The following ANK3 variants were observed in gnomAD, a reference collection of about 807,000 sequenced individuals.
The protein encoded by ANK3 is ankyrin 3, also known as ankyrin-3.
ANK3 carries 57 observed loss-of-function variants against 370.9 expected under a neutral mutation model. That is an observed-to-expected ratio of 0.15 (90% confidence interval 0.12 to 0.19). The LOEUF is 0.19. Ranked by LOEUF, ANK3 falls within the 10% of genes least tolerant of loss-of-function variation. The pLI, the probability that ANK3 is intolerant of heterozygous loss-of-function variation, is 1.00. For missense variants in ANK3, 4,439 were observed against 5,302.1 expected (o/e 0.84, Z 5.06); for synonymous variants, 1,929 against 1,946.3 (o/e 0.99, Z 0.23).
At chr10:60,240,143 CACATATATAT>C (rs2097417437) in intron 7 of ANK3, among the ~76,000 whole-genome samples, 5 of 126,038 alleles carry the variant, frequency 4.0e-5, no homozygotes, top group Non-Finnish European at 8.1e-5. Context: ...CATATATATA[CACATATATAT>C]ACATATATAC....
chr10:60,674,268 T>C (rs907704663), intron 1 of ANK3, among the ~76,000 whole-genome samples: 1 of 152,062 alleles, frequency 6.6e-6, no homozygotes, highest in Non-Finnish European at 1.5e-5. Flanking sequence ...AAGGAATACC[T>C]GAGACTGGAT....
At position 60,086,899 on chromosome 10, in the gene ANK3, A is replaced by G; in HGVS notation, c.3541-15T>C. 1 of 1,567,562 alleles carries G rather than the reference A, an allele frequency of 6.4e-7. No homozygotes were observed. The highest frequency in any genetic ancestry group is 8.6e-7 in the Non-Finnish European group (1 of 1,158,160). On this transcript the variant is annotated splice_polypyrimidine_tract_variant and intron_variant, in intron 29 of 43. Transcript: ENST00000280772. ...ACAGGCTGGGCCTAGAGACAGAGAA[A>G]GGACTTTAAATGAAAGTGACTTTTT...
intron 1 of ANK3, among the ~76,000 whole-genome samples, chr10:60,697,212 C>G (rs1268912840): frequency 6.7e-6 from 1 of 149,610 alleles, no homozygotes; most frequent in Non-Finnish European, 1.5e-5. Context: ...TGAAGGACCT[C>G]TTCAAGGAGA....
intron 1 of ANK3, among the ~76,000 whole-genome samples, chr10:60,674,114 T>G (rs1000401070): frequency 2.0e-5 from 3 of 151,222 alleles, no homozygotes; most frequent in Non-Finnish European, 4.4e-5. Flanking sequence ...GTTCTTGTAT[T>G]AAAAAAAAAG....
At chr10:60,242,650 T>C (rs1052353425) in intron 7 of ANK3, among the ~76,000 whole-genome samples, 1 of 152,216 alleles carries the variant, frequency 6.6e-6, no homozygotes, top group Admixed American at 6.5e-5. Context: ...TTATCCTTAA[T>C]GAACTTATCT....
At chr10:60,543,417 G>A (rs79306853) in intron 2 of ANK3, among the ~76,000 whole-genome samples, 8,298 of 151,980 alleles carry the variant, frequency 0.055, 351 homozygotes, top group Non-Finnish European at 0.079. Flanking sequence ...CTATTAATAG[G>A]CAAATGGCTA....
intron 2 of ANK3, among the ~76,000 whole-genome samples, chr10:60,495,804 C>T (rs1240137395): frequency 2.6e-5 from 4 of 151,974 alleles, no homozygotes; most frequent in Admixed American, 2.6e-4. Context: ...AGATGTCAGC[C>T]CTCAAGCACA....
chr10:60,571,558 G>A (rs993934898), intron 2 of ANK3, among the ~76,000 whole-genome samples: 13 of 152,084 alleles, frequency 8.5e-5, no homozygotes, highest in Admixed American at 7.2e-4. Flanking sequence ...TGAAGATTTT[G>A]ACTATAGATT....
rs74155640 is a variant in ANK3, at chr10:60,639,946, T to G, written c.58-24722A>C. ...GCTGGATAAAAAAATAAGACTCACC[T>G]ATATGCCTTCTATGAGAAATCTGCT... On this transcript the variant is annotated intron_variant, in intron 1 of 43. Transcript: ENST00000373827. Among the ~76,000 whole-genome samples, 1,200 of 152,148 alleles carry G rather than the reference T, an allele frequency of 7.9e-3. 13 individuals carry two copies. Among genetic ancestry groups the G allele is most frequent in the African/African-American group, 0.027 (1,141 of 41,540 alleles).
chr10:60,572,689 G>A, intron 2 of ANK3: 1 of 1,427,352 alleles, frequency 7.0e-7, no homozygotes, highest in Non-Finnish European at 9.1e-7. Flanking sequence ...TGCTGTCAGA[G>A]AGACGCGGGC....
At chr10:60,324,141 T>C (rs1297802270) in intron 1 of ANK3, among the ~76,000 whole-genome samples, 1 of 151,866 alleles carries the variant, frequency 6.6e-6, no homozygotes, top group Admixed American at 6.6e-5. Context: ...CAGAGAGAAA[T>C]ATGAAAGCAG....
intron 2 of ANK3, among the ~76,000 whole-genome samples, chr10:60,420,226 T>TA (rs2063749909): frequency 6.6e-6 from 1 of 152,146 alleles, no homozygotes; most frequent in Admixed American, 6.6e-5. Context: ...AGGCATATTT[T>TA]ATCACCCAAT....
chr10:60,362,061 T>C (rs962584209), intron 1 of ANK3, among the ~76,000 whole-genome samples: 9 of 152,190 alleles, frequency 5.9e-5, no homozygotes, highest in Non-Finnish European at 7.4e-5. Context: ...GCAGAGAAGG[T>C]TACTTCTCAC....
intron 2 of ANK3, among the ~76,000 whole-genome samples, chr10:60,510,844 A>G (rs1242715151): frequency 1.3e-5 from 2 of 151,970 alleles, no homozygotes; most frequent in East Asian, 3.9e-4. Flanking sequence ...AATAAAATAA[A>G]ATAAAATAAG....
At chr10:60,185,537 G>A (rs914399365) in intron 17 of ANK3, among the ~76,000 whole-genome samples, 3 of 152,130 alleles carry the variant, frequency 2.0e-5, no homozygotes, top group African/African-American at 4.8e-5. Flanking sequence ...ACAGGCACAC[G>A]TGTTGAAAGT....
At chr10:60,164,190 A>AAT (rs747038536) in intron 23 of ANK3, among the ~76,000 whole-genome samples, 3 of 152,220 alleles carry the variant, frequency 2.0e-5, no homozygotes, top group Admixed American at 6.5e-5. Flanking sequence ...ATAAATACAT[A>AAT]ATAGGGCAAA....
intron 23 of ANK3, chr10:60,141,088 C>T: frequency 1.1e-6 from 1 of 935,284 alleles, no homozygotes; most frequent in Non-Finnish European, 1.3e-6. Context: ...AGAGGGAGGG[C>T]CTGCCCTTGA....
In ANK3 at chr10:60,073,401, C is replaced by T. The variant is rs572504855; in HGVS notation, c.7480G>A (p.Glu2494Lys). ...VTDHAGPPSSELQGSDKRSRE... is the reference protein window; with the variant it reads ...VTDHAGPPSSKLQGSDKRSRE... ...GACCGCTTATCAGACCCCTGTAACT[C>T]TGAGCTAGGGGGTCCTGCATGGTCT... The change falls in exon 37 of 44, where the codon GAG becomes AAG. Residue 2494 changes from glutamate to lysine, a missense_variant. Around this residue, in one of 13 missense-constraint regions of ANK3, gnomAD observed 1,601 missense variants for 1,731.7 expected, o/e 0.92. Transcript: ENST00000280772. 3.7e-6 allele frequency: 6 copies of T among 1,613,836 alleles called. No individual in the cohort carries two copies. The highest frequency in any genetic ancestry group is 2.7e-5 in the African/African-American group (2 of 74,986).
At chr10:60,201,404 T>C (rs10821701) in intron 12 of ANK3, among the ~76,000 whole-genome samples, 26,140 of 152,172 alleles carry the variant, frequency 0.17, 2,341 homozygotes, top group African/African-American at 0.19. Context: ...GCTTGTTTTA[T>C]TGTTACTTCT....
Sources: gnomAD v4.1 joint callset for allele counts (sites outside exome capture counted in the v4.1 genomes callset) on GRCh38, gnomAD v4.1.1 for gene constraint, gnomAD v4.1.1 regional missense constraint, MANE v1.5 for transcripts, NCBI Gene and HGNC (gene_info 2026-07-23, HGNC 2026-07-21) for gene names.